Variants in CNTN5 observed in about 807,000 individuals in gnomAD.
CNTN5 encodes the protein contactin 5, also known as contactin-5.
A neutral mutation model predicts 129.1 loss-of-function variants in CNTN5; 77 were observed. That is an observed-to-expected ratio of 0.60 (90% CI 0.50 to 0.72). The LOEUF (loss-of-function observed/expected upper bound fraction) is 0.72, where lower values mean the gene tolerates loss of function less well. Ranked by LOEUF, CNTN5 falls within the 30% of genes least tolerant of loss-of-function variation. The pLI, the probability that CNTN5 is intolerant of heterozygous loss-of-function variation, is 0.00. For missense variants in CNTN5, 1,478 were observed against 1,328.8 expected (o/e 1.11, Z -1.75); for synonymous variants, 509 against 465.6 (o/e 1.09, Z -1.20).
chr11:99,370,659 T>C (rs1433842317), intron 2 of CNTN5, among the ~76,000 whole-genome samples: 1 of 152,168 alleles, frequency 6.6e-6, no homozygotes, highest in Non-Finnish European at 1.5e-5. Context: ...TGGCATAAAA[T>C]TACAGAAATG....
chr11:99,059,901 A>G (rs1373193507), intron 1 of CNTN5, among the ~76,000 whole-genome samples: 1 of 152,080 alleles, frequency 6.6e-6, no homozygotes, highest in Non-Finnish European at 1.5e-5. Flanking sequence ...ATAATTGCTC[A>G]TAAAGTCATC....
intron 1 of CNTN5, among the ~76,000 whole-genome samples, chr11:99,258,175 G>T (rs150209286): frequency 1.3e-5 from 2 of 151,918 alleles, no homozygotes; most frequent in Admixed American, 1.3e-4. Flanking sequence ...TTTTGGTTTG[G>T]GGGTACATGT....
At chr11:99,887,467 C>T (rs1311646562) in intron 6 of CNTN5, among the ~76,000 whole-genome samples, 1 of 152,182 alleles carries the variant, frequency 6.6e-6, no homozygotes, top group African/African-American at 2.4e-5. Flanking sequence ...GTGTATTAGT[C>T]AGGGTTCTCT....
At chr11:99,084,713 A>C (rs1865932009) in intron 1 of CNTN5, among the ~76,000 whole-genome samples, 1 of 152,148 alleles carries the variant, frequency 6.6e-6, no homozygotes, top group Non-Finnish European at 1.5e-5. Context: ...TGTGCTAATA[A>C]TATGATATCA....
chr11:100,110,148 CTG>C (rs907328234), intron 13 of CNTN5, among the ~76,000 whole-genome samples: 31 of 148,526 alleles, frequency 2.1e-4, no homozygotes, highest in African/African-American at 7.7e-4. Context: ...GATGGCGCCA[CTG>C]TACTCCATCC....
intron 13 of CNTN5, among the ~76,000 whole-genome samples, chr11:100,152,680 T>G (rs150403115): frequency 6.6e-6 from 1 of 152,284 alleles, no homozygotes; most frequent in African/African-American, 2.4e-5. Flanking sequence ...TTTTCAGTAC[T>G]TAAAAGACTC....
At chr11:99,814,257 G>A (rs78480383) in intron 3 of CNTN5, among the ~76,000 whole-genome samples, 6,471 of 152,174 alleles carry the variant, frequency 0.043, 200 homozygotes, top group Non-Finnish European at 0.061. Context: ...GAGTGTATGC[G>A]TGTACAGGCA....
chr11:99,581,444 C>T (rs1358295959), intron 3 of CNTN5, among the ~76,000 whole-genome samples: 6 of 142,220 alleles, frequency 4.2e-5, no homozygotes, highest in African/African-American at 1.4e-4. Flanking sequence ...TTAAAGTCTC[C>T]CATTATTATT....
At chr11:100,229,062 G>T (rs909575444) in intron 16 of CNTN5, among the ~76,000 whole-genome samples, 4 of 152,096 alleles carry the variant, frequency 2.6e-5, no homozygotes, top group Non-Finnish European at 4.4e-5. Flanking sequence ...GGAAGCTAGC[G>T]CTAACTAATT....
chr11:100,026,642 G>A (rs79691494), intron 9 of CNTN5, among the ~76,000 whole-genome samples: 9,584 of 152,136 alleles, frequency 0.063, 415 homozygotes, highest in East Asian at 0.18. Flanking sequence ...GTCATTTGGG[G>A]CATGTTTTCA....
chr11:99,870,708 C>T (rs1449916371), intron 6 of CNTN5, among the ~76,000 whole-genome samples: 2 of 152,028 alleles, frequency 1.3e-5, no homozygotes, highest in Non-Finnish European at 2.9e-5. Flanking sequence ...AATTTGAAAG[C>T]TGCCTTAGGA....
At chr11:100,084,713 G>T (rs191895917) in intron 13 of CNTN5, among the ~76,000 whole-genome samples, 2 of 152,032 alleles carry the variant, frequency 1.3e-5, no homozygotes, top group East Asian at 3.9e-4. Flanking sequence ...GAGATAGATT[G>T]ATAGTTAATA....
At chr11:99,615,769 T>TA (rs201785054) in intron 3 of CNTN5, among the ~76,000 whole-genome samples, 3 of 151,784 alleles carry the variant, frequency 2.0e-5, no homozygotes, top group Non-Finnish European at 4.4e-5. Flanking sequence ...TTTTTTTTTT[T>TA]AATTTTTTTT....
At chr11:100,053,026 T>C (rs753498331) in intron 9 of CNTN5, among the ~76,000 whole-genome samples, 5 of 151,738 alleles carry the variant, frequency 3.3e-5, no homozygotes, top group Non-Finnish European at 5.9e-5. Context: ...CCTTTAACCA[T>C]ATCCTGTACC....
intron 13 of CNTN5, among the ~76,000 whole-genome samples, chr11:100,184,272 G>A (rs1278104666): frequency 6.6e-6 from 1 of 152,084 alleles, no homozygotes; most frequent in Non-Finnish European, 1.5e-5. Flanking sequence ...TATTATGACA[G>A]TTTTACATTT....
chr11:99,122,668 G>C (rs955011757), intron 1 of CNTN5, among the ~76,000 whole-genome samples: 14 of 151,920 alleles, frequency 9.2e-5, no homozygotes, highest in African/African-American at 3.1e-4. Flanking sequence ...GTACCTGATA[G>C]GTTTATTATT....
rs144787486 is a variant in CNTN5, at chr11:99,298,286, G to A, written c.-209-27060G>A. Among the ~76,000 whole-genome samples the A allele has an allele frequency of 9.3e-3, 1,417 of 152,228 alleles. 38 individuals carry two copies. The highest frequency in any genetic ancestry group is 0.057 in the Admixed American group (873 of 15,282). ...CACAGAGACTCCAGGGGTGCCTCGT[G>A]GTCAGAACAAATTTATAGACAAAAA... On this transcript the variant is annotated intron_variant, in intron 1 of 24. Transcript: ENST00000524871.
At chr11:99,237,837 TCTTA>T (rs1861357685) in intron 1 of CNTN5, among the ~76,000 whole-genome samples, 1 of 152,248 alleles carries the variant, frequency 6.6e-6, no homozygotes, top group Admixed American at 6.5e-5. Flanking sequence ...AAATAATTGC[TCTTA>T]CTTTACTCTT....
chr11:99,239,892 G>C (rs1861458027), intron 1 of CNTN5, among the ~76,000 whole-genome samples: 1 of 149,100 alleles, frequency 6.7e-6, no homozygotes, highest in South Asian at 2.1e-4. Context: ...AGCCGAGATA[G>C]CGCCACTGTG....
Sources: gnomAD v4.1 joint callset for allele counts (sites outside exome capture counted in the v4.1 genomes callset) on GRCh38, gnomAD v4.1.1 for gene constraint, MANE v1.5 for transcripts, NCBI Gene and HGNC (gene_info 2026-07-23, HGNC 2026-07-21) for gene names.